RBFOX1: variants seen among roughly 807,000 people sequenced by gnomAD.
The protein encoded by RBFOX1 is RNA binding protein fox-1 homolog 1.
In RBFOX1, 8 loss-of-function variants were observed where a neutral mutation model predicts 57.7. That is an observed-to-expected ratio of 0.14 (90% CI 0.08 to 0.25). The LOEUF (loss-of-function observed/expected upper bound fraction) is 0.25, where lower values mean the gene tolerates loss of function less well. Ranked by LOEUF, RBFOX1 falls within the 10% of genes least tolerant of loss-of-function variation. The pLI, the probability that RBFOX1 is intolerant of heterozygous loss-of-function variation, is 1.00. For missense variants in RBFOX1, 611 were observed against 548.5 expected (o/e 1.11, Z -1.14); for synonymous variants, 326 against 222.4 (o/e 1.47, Z -4.15).
Position 6,838,776 on chromosome 16 carries a change from A to G in RBFOX1, c.-16+184126A>G, listed in dbSNP as rs974002387. ...CCAGGGGTCTCAATTAGTGTCATAC[A>G]AATGTACATGCCTCAAAAGGATATA... On this transcript the variant is annotated intron_variant, in intron 3 of 15. Transcript: ENST00000550418. Among the ~76,000 whole-genome samples, 4 of 152,276 alleles carry G rather than the reference A, an allele frequency of 2.6e-5. No homozygotes were observed. In the South Asian group the frequency reaches 8.3e-4, roughly 32 times the overall value.
At chr16:5,620,867 G>A (rs551589906) in intron 3 of RBFOX1, among the ~76,000 whole-genome samples, 1 of 152,038 alleles carries the variant, frequency 6.6e-6, no homozygotes, top group African/African-American at 2.4e-5. Flanking sequence ...TTTTGAGACA[G>A]AGTTGCTCTG....
intron 3 of RBFOX1, among the ~76,000 whole-genome samples, chr16:6,971,990 A>C (rs930185687): frequency 6.6e-6 from 1 of 152,186 alleles, no homozygotes; most frequent in East Asian, 1.9e-4. Context: ...CAATCCCTGC[A>C]CGCAAGTTTT....
At chr16:7,339,283 C>T (rs2096849103) in intron 4 of RBFOX1, among the ~76,000 whole-genome samples, 1 of 152,116 alleles carries the variant, frequency 6.6e-6, no homozygotes, top group Non-Finnish European at 1.5e-5. Context: ...CTACTGTGTG[C>T]CAGGCTGTGA....
intron 5 of RBFOX1, among the ~76,000 whole-genome samples, chr16:7,543,147 C>T (rs1331779344): frequency 6.6e-6 from 1 of 152,214 alleles, no homozygotes; most frequent in South Asian, 2.1e-4. Context: ...TTAAATCACT[C>T]AGGGTTGGTG....
chr16:6,259,896 G>A (rs1239019312), intron 1 of RBFOX1, among the ~76,000 whole-genome samples: 1 of 151,634 alleles, frequency 6.6e-6, no homozygotes, highest in African/African-American at 2.4e-5. Context: ...GAGAGATGGA[G>A]GGTGCTGTGA....
chr16:7,357,032 C>T (rs1243112654), intron 4 of RBFOX1, among the ~76,000 whole-genome samples: 1 of 152,110 alleles, frequency 6.6e-6, no homozygotes, highest in Non-Finnish European at 1.5e-5. Flanking sequence ...CTTTTGGGCT[C>T]AGGAATCCAG....
At chr16:5,945,285 A>G (rs1040031971) in intron 4 of RBFOX1, among the ~76,000 whole-genome samples, 2 of 152,174 alleles carry the variant, frequency 1.3e-5, no homozygotes, top group Non-Finnish European at 2.9e-5. Flanking sequence ...GGACCCACAC[A>G]TGGTCTGATG....
At chr16:5,851,156 C>A (rs1262393373) in intron 3 of RBFOX1, among the ~76,000 whole-genome samples, 2 of 152,180 alleles carry the variant, frequency 1.3e-5, no homozygotes, top group Non-Finnish European at 2.9e-5. Context: ...GGTTGTGAAG[C>A]CAGACCCTAT....
chr16:5,534,762 C>G (rs554185500), intron 2 of RBFOX1, among the ~76,000 whole-genome samples: 3 of 152,278 alleles, frequency 2.0e-5, no homozygotes, highest in Admixed American at 6.5e-5. Context: ...CAATACTTCA[C>G]GAGCTATGTA....
Position 7,120,823 on chromosome 16 carries a change from G to GTATATA in RBFOX1, c.27+68728_27+68733dup, listed in dbSNP as rs537281089. 1.9e-4 allele frequency among the ~76,000 whole-genome samples: 26 copies of GTATATA among 136,986 alleles called. 1 individual carries two copies. Among genetic ancestry groups the GTATATA allele is most frequent in the East Asian group, 6.8e-4 (3 of 4,404 alleles). 89.9% of individuals were successfully genotyped at this position (136,986 alleles called of 152,430 possible). On this transcript the variant is annotated intron_variant, in intron 4 of 15. Transcript: ENST00000550418. ...AGGCTATATGTAATATTTTATATAT[G>GTATATA]TATATATACACACACACACACACAC... is the stretch of plus-strand genomic sequence containing the variant.
At chr16:6,793,365 G>A (rs1462230125) in intron 3 of RBFOX1, among the ~76,000 whole-genome samples, 18 of 152,190 alleles carry the variant, frequency 1.2e-4, no homozygotes, top group African/African-American at 3.9e-4. Flanking sequence ...TTCTTCCATT[G>A]AGATTGATTG....
chr16:5,824,670 A>G (rs2055974187), intron 3 of RBFOX1, among the ~76,000 whole-genome samples: 1 of 152,232 alleles, frequency 6.6e-6, no homozygotes. Flanking sequence ...TGAGTTCCAC[A>G]ATTAGGCATC....
intron 3 of RBFOX1, among the ~76,000 whole-genome samples, chr16:6,658,331 C>T (rs1399674986): frequency 6.6e-6 from 1 of 151,832 alleles, no homozygotes; most frequent in African/African-American, 2.4e-5. Context: ...ACCTCCGCCT[C>T]CCGGGTTCAA....
chr16:5,706,834 A>G (rs1227506021), intron 3 of RBFOX1, among the ~76,000 whole-genome samples: 1 of 152,052 alleles, frequency 6.6e-6, no homozygotes, highest in Non-Finnish European at 1.5e-5. Context: ...GGCAGGGGGC[A>G]AGAGGGCATG....
chr16:7,192,290 C>G (rs1024454027), intron 4 of RBFOX1, among the ~76,000 whole-genome samples: 6 of 152,122 alleles, frequency 3.9e-5, no homozygotes, highest in Admixed American at 1.3e-4. Flanking sequence ...CCTTGTGAAT[C>G]TGACGTTAGG....
chr16:7,018,709 C>A (rs1197507530), intron 3 of RBFOX1, among the ~76,000 whole-genome samples: 1 of 151,800 alleles, frequency 6.6e-6, no homozygotes, highest in Non-Finnish European at 1.5e-5. Context: ...TTAATGGGTG[C>A]AGCACACCAA....
intron 4 of RBFOX1, among the ~76,000 whole-genome samples, chr16:6,013,282 G>T (rs1476458025): frequency 2.0e-5 from 3 of 152,164 alleles, no homozygotes; most frequent in African/African-American, 7.2e-5. Context: ...CTAAATCAAA[G>T]ACACAGCTTA....
At chr16:7,308,296 T>G (rs1362470264) in intron 4 of RBFOX1, among the ~76,000 whole-genome samples, 1 of 36,394 alleles carries the variant, frequency 2.7e-5, no homozygotes, top group East Asian at 8.8e-4. Context: ...CACCCAGAGC[T>G]GTTTTTTTTT....
intron 1 of RBFOX1, among the ~76,000 whole-genome samples, chr16:6,137,445 C>T (rs556938142): frequency 6.6e-6 from 1 of 152,122 alleles, no homozygotes; most frequent in African/African-American, 2.4e-5. Flanking sequence ...GCTGGGATTA[C>T]AGGCACTGGC....
Sources: gnomAD v4.1 joint callset for allele counts (sites outside exome capture counted in the v4.1 genomes callset) on GRCh38, gnomAD v4.1.1 for gene constraint, MANE v1.5 for transcripts, NCBI Gene and HGNC (gene_info 2026-07-23, HGNC 2026-07-21) for gene names.